The following QTMAN variants were observed in gnomAD, a reference collection of about 807,000 sequenced individuals.
QTMAN encodes queuosine-tRNA mannosyltransferase, also known as tRNA-queuosine alpha-mannosyltransferase.
chr2:144,145,491 AG>A, the QTMAN span: 1 of 933,748 alleles, frequency 1.1e-6, no homozygotes, highest in Non-Finnish European at 1.7e-6. Flanking sequence ...GTACAATAGT[AG>A]GTCTCCAGAT....
At chr2:144,243,854 A>G in the QTMAN span, among the ~76,000 whole-genome samples, 5 of 152,222 alleles carry the variant, frequency 3.3e-5, no homozygotes, top group Admixed American at 6.5e-5. Context: ...AATTTCAATA[A>G]AAGTGATTGG....
chr2:144,176,640 G>C, the QTMAN span, among the ~76,000 whole-genome samples: 1 of 152,154 alleles, frequency 6.6e-6, no homozygotes, highest in Non-Finnish European at 1.5e-5. Context: ...TAGGCTGATA[G>C]TGCACACAAT....
At chr2:144,329,885 C>T in the QTMAN span, among the ~76,000 whole-genome samples, 1 of 152,330 alleles carries the variant, frequency 6.6e-6, no homozygotes, top group African/African-American at 2.4e-5. Context: ...AGAGTACCCA[C>T]TACACATGAT....
chr2:144,218,108 A>G, the QTMAN span, among the ~76,000 whole-genome samples: 5 of 152,202 alleles, frequency 3.3e-5, no homozygotes, highest in Non-Finnish European at 1.5e-5. Context: ...AATGGCCGTG[A>G]CGATTTCTTC....
chr2:144,230,496 T>C, the QTMAN span, among the ~76,000 whole-genome samples: 1 of 152,026 alleles, frequency 6.6e-6, no homozygotes, highest in African/African-American at 2.4e-5. Flanking sequence ...CACCATTCAA[T>C]AGAAACAATA....
the QTMAN span, among the ~76,000 whole-genome samples, chr2:144,117,422 A>G: frequency 1.3e-5 from 2 of 152,104 alleles, no homozygotes; most frequent in South Asian, 4.1e-4. Context: ...TTATTTTTTA[A>G]TCTTCATAAC....
the QTMAN span, among the ~76,000 whole-genome samples, chr2:144,137,110 C>T: frequency 6.6e-6 from 1 of 152,128 alleles, no homozygotes; most frequent in Non-Finnish European, 1.5e-5. Flanking sequence ...TATTGTCTTC[C>T]TTTAGGGGAA....
chr2:144,093,791 GGT>G, the QTMAN span, among the ~76,000 whole-genome samples: 1 of 152,072 alleles, frequency 6.6e-6, no homozygotes, highest in African/African-American at 2.4e-5. Flanking sequence ...TGGATATGTT[GGT>G]GTGTGTGTTA....
At chr2:144,067,579 C>T in the QTMAN span, among the ~76,000 whole-genome samples, 1 of 152,168 alleles carries the variant, frequency 6.6e-6, no homozygotes, top group Non-Finnish European at 1.5e-5. Flanking sequence ...TTTATCCCAT[C>T]ACATTATAAA....
At chr2:144,262,501 T>C in the QTMAN span, among the ~76,000 whole-genome samples, 203 of 148,164 alleles carry the variant, frequency 1.4e-3, 6 homozygotes, top group East Asian at 0.038. Context: ...GCCCAGGAGT[T>C]TGAGGCTGCA....
At chr2:144,223,083 A>G in the QTMAN span, among the ~76,000 whole-genome samples, 1 of 152,200 alleles carries the variant, frequency 6.6e-6, no homozygotes, top group African/African-American at 2.4e-5. Flanking sequence ...TTTACAATCT[A>G]AACAACATGT....
chr2:144,259,004 G>T, the QTMAN span, among the ~76,000 whole-genome samples: 1 of 152,146 alleles, frequency 6.6e-6, no homozygotes, highest in African/African-American at 2.4e-5. Context: ...AGGGAGAATT[G>T]TTCCTACAGC....
chr2:144,169,402 G>T, the QTMAN span, among the ~76,000 whole-genome samples: 2 of 152,130 alleles, frequency 1.3e-5, no homozygotes, highest in East Asian at 3.8e-4. Context: ...TGGTTCACCT[G>T]TCTCTCCCAC....
chr2:144,218,657 C>T, the QTMAN span, among the ~76,000 whole-genome samples: 1 of 152,072 alleles, frequency 6.6e-6, no homozygotes, highest in South Asian at 2.1e-4. Context: ...TGAGAAGTTT[C>T]CCTCCCCAAG....
At chr2:144,202,193 AAAC>A in the QTMAN span, among the ~76,000 whole-genome samples, 1 of 152,232 alleles carries the variant, frequency 6.6e-6, no homozygotes, top group Non-Finnish European at 1.5e-5. Flanking sequence ...GACCCCAAGA[AAAC>A]AAGAAAGCAT....
the QTMAN span, among the ~76,000 whole-genome samples, chr2:144,117,670 G>A: frequency 1.3e-5 from 2 of 152,148 alleles, no homozygotes; most frequent in African/African-American, 4.8e-5. Flanking sequence ...AGGTCAGTGT[G>A]AGCTGAGTTT....
At chr2:143,939,247 G>A in the QTMAN span, 2 of 152,150 alleles carry the variant, frequency 1.3e-5, no homozygotes, top group Non-Finnish European at 2.9e-5. Context: ...TGTTGCCATC[G>A]TTTTAGTCCA....
the QTMAN span, among the ~76,000 whole-genome samples, chr2:143,995,653 GCTATAA>G: frequency 1.3e-5 from 2 of 152,118 alleles, no homozygotes. Flanking sequence ...AACCTACTAT[GCTATAA>G]CTATAACTAG....
chr2:143,994,409 A>C, the QTMAN span, among the ~76,000 whole-genome samples: 1 of 152,180 alleles, frequency 6.6e-6, no homozygotes, highest in Non-Finnish European at 1.5e-5. Context: ...CCAAAGTGAA[A>C]ATATATGTCC....
Sources: allele counts gnomAD v4.1 joint callset (sites outside exome capture counted in the v4.1 genomes callset), GRCh38; gene constraint gnomAD v4.1.1; transcripts MANE v1.5; gene names NCBI Gene and HGNC (gene_info 2026-07-23, HGNC 2026-07-21).